The following ZNF100 variants were observed in gnomAD, a reference collection of about 807,000 sequenced individuals.
ZNF100 encodes the protein zinc finger protein 100 (Y1).
ZNF100 carries 12 observed loss-of-function variants against 15.8 expected under a neutral mutation model. The observed-to-expected ratio is 0.76, with a 90% CI of 0.49 to 1.23. The LOEUF (loss-of-function observed/expected upper bound fraction) is 1.23, where lower values mean the gene tolerates loss of function less well. Among genes scored for constraint, ZNF100 ranks in the 50% most tolerant of loss-of-function variants. The pLI is 0.00. For missense variants in ZNF100, 670 were observed against 635.6 expected (o/e 1.05, Z -0.58); for synonymous variants, 226 against 214.8 (o/e 1.05, Z -0.45).
At chr19:21,731,083 T>G (rs1002167903) in intron 4 of ZNF100, among the ~76,000 whole-genome samples, 6 of 152,118 alleles carry the variant, frequency 3.9e-5, no homozygotes, top group African/African-American at 1.4e-4. Context: ...AAAGAAAATG[T>G]TGAAGGCATT....
In ZNF100 at chr19:21,726,454, C is replaced by G; in HGVS notation, c.*229G>C. The stretch of plus-strand genomic sequence containing the variant: ...CACATTCTTCACATTTCTAGGATTT[C>G]TCAACACTATGATTTATGTTTTGAA... On this transcript the variant is annotated 3_prime_UTR_variant, in exon 5 of 5. Transcript: ENST00000358296. 2.0e-6 allele frequency: 1 copy of G among 488,530 alleles called. No homozygotes were observed. Among genetic ancestry groups the G allele is most frequent in the East Asian group, 3.2e-5 (1 of 30,828 alleles). The allele number at this position is 488,530 out of a possible 1,614,324, so 30.3% of individuals were successfully genotyped here. A position where few individuals can be genotyped will look rare whatever the true frequency, so the allele number is the denominator to read the frequency against.
chr19:21,761,005 G>A (rs185442854), intron 2 of ZNF100, among the ~76,000 whole-genome samples: 3 of 151,974 alleles, frequency 2.0e-5, no homozygotes, highest in East Asian at 3.9e-4. Context: ...TGATCTGCCC[G>A]CTTCAGCCTC....
At chr19:21,732,744 G>C (rs1168136045) in intron 4 of ZNF100, among the ~76,000 whole-genome samples, 1 of 151,722 alleles carries the variant, frequency 6.6e-6, no homozygotes, top group African/African-American at 2.4e-5. Context: ...GAAGAATATA[G>C]GGAAAAAGTA....
intron 4 of ZNF100, among the ~76,000 whole-genome samples, chr19:21,740,619 C>G (rs1454053279): frequency 2.0e-5 from 3 of 152,170 alleles, no homozygotes; most frequent in Non-Finnish European, 4.4e-5. Context: ...ACTTTGGAGG[C>G]TGAGGTGGGC....
chr19:21,729,936 C>T (rs951201809), intron 4 of ZNF100, among the ~76,000 whole-genome samples: 14 of 151,726 alleles, frequency 9.2e-5, no homozygotes, highest in Admixed American at 5.3e-4. Context: ...TAGAGGTTTA[C>T]GTAATCCCCA....
chr19:21,726,625 A>G lies in ZNF100; in HGVS notation c.*58T>C, dbSNP rs965430810. 2.0e-6 allele frequency: 3 copies of G among 1,469,420 alleles called. No individual in the cohort carries two copies. The highest frequency in any genetic ancestry group is 2.8e-6 in the Non-Finnish European group (3 of 1,084,728). The allele number at this position is 1,469,420 out of a possible 1,614,324, so 91.0% of individuals were successfully genotyped here. ...CACAGTCACAGGAGTTCCCTCCAGTATGAATTTTTTTATGTTTAGTAAGAG... is the reference window on the plus strand; with the variant it reads ...CACAGTCACAGGAGTTCCCTCCAGTGTGAATTTTTTTATGTTTAGTAAGAG... On this transcript the variant is annotated 3_prime_UTR_variant, in exon 5 of 5. Coordinates refer to ENST00000358296, the MANE Select transcript of ZNF100 (RefSeq NM_173531.4).
intron 2 of ZNF100, chr19:21,752,197 A>G (rs1444697384): frequency 1.3e-5 from 2 of 155,456 alleles, no homozygotes; most frequent in Non-Finnish European, 2.8e-5. Context: ...ATTTGCTTAC[A>G]ATGTGGGCCA....
At chr19:21,759,461 A>G (rs2036445345) in intron 2 of ZNF100, among the ~76,000 whole-genome samples, 1 of 152,228 alleles carries the variant, frequency 6.6e-6, no homozygotes, top group African/African-American at 2.4e-5. Context: ...TTTTTATCAC[A>G]TAGCCACAGA....
intron 4 of ZNF100, among the ~76,000 whole-genome samples, chr19:21,731,858 T>G (rs564288721): frequency 1.3e-5 from 2 of 152,308 alleles, no homozygotes; most frequent in South Asian, 4.1e-4. Flanking sequence ...ACAAATTGGT[T>G]GTTGTACATT....
At chr19:21,737,387 T>G (rs867648012) in intron 4 of ZNF100, among the ~76,000 whole-genome samples, 14 of 151,354 alleles carry the variant, frequency 9.2e-5, no homozygotes, top group African/African-American at 3.4e-4. Flanking sequence ...TAAAAAAAAT[T>G]AGTTGGGCAT....
intron 4 of ZNF100, among the ~76,000 whole-genome samples, 155 bp from the exon 5 acceptor site, chr19:21,728,144 A>G (rs78520273): frequency 1.3e-5 from 2 of 151,542 alleles, no homozygotes; most frequent in Non-Finnish European, 2.9e-5. Flanking sequence ...AAAAAAAAAA[A>G]CCAACCAAAT....
chr19:21,738,518 C>A (rs573587008), intron 4 of ZNF100, among the ~76,000 whole-genome samples: 2 of 152,124 alleles, frequency 1.3e-5, no homozygotes, highest in African/African-American at 4.8e-5. Context: ...TGCAAATCTA[C>A]AACTGCCTGA....
chr19:21,749,091 G>T lies in ZNF100; in HGVS notation c.97-4024C>A, dbSNP rs116866128. ...GTTTAATTCAACCGTGTATCCAGTT[G>T]CTAGTCTAGAGCAAAAGTTTCTGGA... On this transcript the variant is annotated intron_variant, in intron 2 of 4. Coordinates refer to ENST00000358296, the MANE Select transcript of ZNF100 (RefSeq NM_173531.4). Among the ~76,000 whole-genome samples the T allele has an allele frequency of 5.1e-4, 77 of 152,208 alleles. 2 individuals are homozygous for T. The East Asian group carries it at 0.014, about 27-fold the overall frequency.
chr19:21,744,000 T>A lies in ZNF100; in HGVS notation c.322+17A>T. 1 of 1,594,382 alleles carries A rather than the reference T, an allele frequency of 6.3e-7. No homozygotes were observed. The highest frequency in any genetic ancestry group is 1.1e-5 in the South Asian group (1 of 89,818). ...GACCTCACATCTGTGTCATCTGTTGTGTTCACTCTCACCTACCTGGGGGTT... is the reference window on the plus strand; with the variant it reads ...GACCTCACATCTGTGTCATCTGTTGAGTTCACTCTCACCTACCTGGGGGTT... On this transcript the variant is annotated intron_variant, in intron 4 of 4. Coordinates refer to ENST00000358296, the MANE Select transcript of ZNF100 (RefSeq NM_173531.4).
chr19:21,766,033 A>G (rs532472446), intron 1 of ZNF100, among the ~76,000 whole-genome samples: 1 of 152,334 alleles, frequency 6.6e-6, no homozygotes, highest in East Asian at 1.9e-4. Context: ...TCTACAATAC[A>G]GTGTCAGAGG....
chr19:21,727,869 CCT>C lies in ZNF100; in HGVS notation c.441_442del (p.Gly148LeufsTer2). ...TTTACACTCATCCACACTTTTACAG[CCT>C]TTTTGTAACTGTAAATTGTCATGTC... On this transcript the variant is annotated frameshift_variant, in exon 5 of 5. Coordinates refer to ENST00000358296, the MANE Select transcript of ZNF100 (RefSeq NM_173531.4). LOFTEE classifies it low-confidence loss of function (END_TRUNC). The C allele has an allele frequency of 6.2e-7, 1 of 1,608,810 alleles. No homozygotes were observed. Among genetic ancestry groups the C allele is most frequent in the Non-Finnish European group, 8.5e-7 (1 of 1,178,538 alleles).
At chr19:21,742,070 G>A (rs1183219691) in intron 4 of ZNF100, among the ~76,000 whole-genome samples, 1 of 152,076 alleles carries the variant, frequency 6.6e-6, no homozygotes, top group African/African-American at 2.4e-5. Context: ...CTGAGGCAGA[G>A]CGATCACTTG....
At chr19:21,749,848 G>T (rs766379102) in intron 2 of ZNF100, among the ~76,000 whole-genome samples, 1 of 151,388 alleles carries the variant, frequency 6.6e-6, no homozygotes, top group Admixed American at 6.6e-5. Context: ...CCTTCTGTTG[G>T]TTTTCAGTAC....
Position 21,726,530 on chromosome 19 carries a change from T to C in ZNF100, c.*153A>G. ...GTCACATCTTTCTGGTTTGTAGAATTTCTCTCTAGTATGAATTATCTTATG... is the reference window on the plus strand; with the variant it reads ...GTCACATCTTTCTGGTTTGTAGAATCTCTCTCTAGTATGAATTATCTTATG... On this transcript the variant is annotated 3_prime_UTR_variant, in exon 5 of 5. Transcript: ENST00000358296. 1.4e-6 allele frequency: 1 copy of C among 696,506 alleles called. No homozygotes were observed. The highest frequency in any genetic ancestry group is 2.3e-6 in the Non-Finnish European group (1 of 444,194). The allele number at this position is 696,506 out of a possible 1,614,324, so 43.1% of individuals were successfully genotyped here.
Sources: gnomAD v4.1 joint callset for allele counts (sites outside exome capture counted in the v4.1 genomes callset) on GRCh38, gnomAD v4.1.1 for gene constraint, MANE v1.5 for transcripts, NCBI Gene and HGNC (gene_info 2026-07-23, HGNC 2026-07-21) for gene names.